CHORDC1: variants seen among roughly 807,000 people sequenced by gnomAD.
CHORDC1 encodes the protein cysteine and histidine-rich domain-containing protein 1.
Under a neutral mutation model 48.3 loss-of-function variants are expected in CHORDC1, and 25 were observed. The ratio of observed to expected loss-of-function variants is 0.52; its 90% confidence interval spans 0.38 to 0.72. The LOEUF is 0.72. Among genes scored for constraint, CHORDC1 ranks in the 30% least tolerant of loss-of-function variants. The probability of loss-of-function intolerance (pLI) is 0.00; values close to 1 mark genes in which losing one functional copy is unlikely to be tolerated. For missense variants in CHORDC1, 317 were observed against 388.7 expected, an observed-to-expected ratio of 0.82 and a Z score of 1.55; for synonymous variants, 128 against 126.4, an observed-to-expected ratio of 1.01 and a Z score of -0.09.
intron 3 of CHORDC1, among the ~76,000 whole-genome samples, chr11:90,214,494 A>G (rs560966139): frequency 6.6e-6 from 1 of 152,200 alleles, no homozygotes; most frequent in Admixed American, 6.5e-5. Flanking sequence ...ATACAGAAAA[A>G]TCTGTTACTC....
At chr11:90,213,243 T>C (rs563361325) in intron 4 of CHORDC1, 2 of 544,852 alleles carry the variant, frequency 3.7e-6, no homozygotes, top group African/African-American at 3.8e-5. Flanking sequence ...CAATACTCTA[T>C]AAATTTATTT....
At chr11:90,222,779 C>G (rs1237810631) in intron 1 of CHORDC1, 112 bp downstream of exon 1, 1 of 1,010,470 alleles carries the variant, frequency 9.9e-7, no homozygotes, top group Non-Finnish European at 1.5e-6. Flanking sequence ...GGGCATGGAC[C>G]TGGGGCCGCG....
At position 90,202,244 on chromosome 11, in the gene CHORDC1, A is replaced by C. The variant is rs528882702; in HGVS notation, c.*161T>G. ...AACACAAAAGAAAGATGAGAGGCAC[A>C]AAAAGACAAACTGACTTTGGCTTTT... On this transcript the variant is annotated 3_prime_UTR_variant, in exon 11 of 11. Transcript: ENST00000320585. 2 of 647,650 alleles carry C rather than the reference A, an allele frequency of 3.1e-6. No individual in the cohort carries two copies. The highest frequency in any genetic ancestry group is 2.7e-5 in the East Asian group (1 of 36,702). 40.1% of individuals were successfully genotyped at this position (647,650 alleles called of 1,614,324 possible). A position where few individuals can be genotyped will look rare whatever the true frequency, so the allele number is the denominator to read the frequency against.
rs775748220 is a variant in CHORDC1 at position 90,202,290 on chromosome 11, G to T, written c.*115C>A. On this transcript the variant is annotated 3_prime_UTR_variant, in exon 11 of 11. Transcript: ENST00000320585. ...CTTTTAAGAACCTAATGTTAACCCTGAAATGCCACATTCAGTAACACAACA... is the reference window on the plus strand; with the variant it reads ...CTTTTAAGAACCTAATGTTAACCCTTAAATGCCACATTCAGTAACACAACA... 6.0e-6 allele frequency: 6 copies of T among 1,001,488 alleles called. No individual in the cohort carries two copies. Among genetic ancestry groups the T allele is most frequent in the Non-Finnish European group, 9.0e-6 (6 of 668,764 alleles). The allele number at this position is 1,001,488 out of a possible 1,614,324, so 62.0% of individuals were successfully genotyped here. A position where few individuals can be genotyped will look rare whatever the true frequency, so the allele number is the denominator to read the frequency against.
chr11:90,219,557 C>T (rs1196093164), intron 1 of CHORDC1, among the ~76,000 whole-genome samples: 1 of 152,200 alleles, frequency 6.6e-6, no homozygotes, highest in Non-Finnish European at 1.5e-5. Context: ...CTGTCCCACC[C>T]AGGGCGGAAA....
chr11:90,204,650 G>A (rs1857624812), intron 8 of CHORDC1, among the ~76,000 whole-genome samples: 1 of 151,946 alleles, frequency 6.6e-6, no homozygotes, highest in South Asian at 2.1e-4. Flanking sequence ...GAACCCGGGA[G>A]GCGGAGGTTG....
At chr11:90,213,324 T>G (rs1332354509) in intron 4 of CHORDC1, 15 of 632,754 alleles carry the variant, frequency 2.4e-5, no homozygotes, top group Non-Finnish European at 3.4e-5. Context: ...AATAAGTGCC[T>G]ACTTGCAGCC....
chr11:90,202,683 C>A, intron 10 of CHORDC1, 130 bp downstream of exon 10: 2 of 1,391,248 alleles, frequency 1.4e-6, no homozygotes, highest in South Asian at 2.7e-5. Context: ...TAGTCTTAAA[C>A]TTTTTGGTAG....
chr11:90,211,543 C>A, intron 4 of CHORDC1: 1 of 381,952 alleles, frequency 2.6e-6, no homozygotes, highest in Non-Finnish European at 4.7e-6. Context: ...CAAATAATCA[C>A]GCTATTGTCA....
chr11:90,211,951 A>G (rs1857875228), intron 4 of CHORDC1: 1 of 152,238 alleles, frequency 6.6e-6, no homozygotes, highest in Admixed American at 6.5e-5. Context: ...ATCGTAGGCT[A>G]TTCATTCTAT....
intron 9 of CHORDC1, 54 bp from the exon 10 acceptor site, chr11:90,202,929 A>G: frequency 7.9e-6 from 12 of 1,509,570 alleles, no homozygotes; most frequent in Non-Finnish European, 9.8e-6. Flanking sequence ...GATTTATGCT[A>G]TCAAACACTG....
rs1857530511 is a variant in CHORDC1, at chr11:90,200,937, CT to C, written c.*1467del. On this transcript the variant is annotated 3_prime_UTR_variant, in exon 11 of 11. Coordinates refer to ENST00000320585, the MANE Select transcript of CHORDC1 (RefSeq NM_012124.3). ...TAAATACATCTCCAGGTATCAGATG[CT>C]TATGTACTCCATGTGGGTCCAACTT... Among the ~76,000 whole-genome samples, 1 of 151,942 alleles carries C rather than the reference CT, an allele frequency of 6.6e-6. No homozygotes were observed. Among genetic ancestry groups the C allele is most frequent in the Admixed American group, 6.6e-5 (1 of 15,246 alleles).
intron 6 of CHORDC1, chr11:90,206,841 A>T (rs1857705803): frequency 9.1e-7 from 1 of 1,102,632 alleles, no homozygotes; most frequent in Non-Finnish European, 1.2e-6. Flanking sequence ...AATTATGTTA[A>T]TAAAACATGG....
At chr11:90,218,011 C>T in intron 2 of CHORDC1, 124 bp downstream of exon 2, 1 of 599,086 alleles carries the variant, frequency 1.7e-6, no homozygotes, top group Middle Eastern at 2.7e-4. Flanking sequence ...TAAAGCACCT[C>T]CCCCGCAAAG....
At chr11:90,202,649 G>T in intron 10 of CHORDC1, 98 bp from the exon 11 acceptor site, 1 of 1,424,616 alleles carries the variant, frequency 7.0e-7, no homozygotes, top group Non-Finnish European at 9.5e-7. Context: ...CCAAATCCAA[G>T]CTTCTAAAGG....
At chr11:90,218,021 G>A (rs1858062283) in intron 2 of CHORDC1, 114 bp downstream of exon 2, 2 of 690,712 alleles carry the variant, frequency 2.9e-6, no homozygotes, top group African/African-American at 3.8e-5. Context: ...CCCCCGCAAA[G>A]GTCATTAAGA....
Position 90,210,670 on chromosome 11 carries a change from T to C in CHORDC1, c.434-76A>G. The C allele has an allele frequency of 6.5e-6, 6 of 917,764 alleles. No homozygotes were observed. The South Asian group carries it at 7.5e-5, about 11-fold the overall frequency. The allele number at this position is 917,764 out of a possible 1,614,324, so 56.9% of individuals were successfully genotyped here. On this transcript the variant is annotated intron_variant, in intron 5 of 10. Coordinates refer to ENST00000320585, the MANE Select transcript of CHORDC1 (RefSeq NM_012124.3). ...TGTGGCATCATTCTTAAAAACTAGG[T>C]TTTTCCAGAAAACAATACTTTTTAG...
chr11:90,215,529 AG>A (rs1392393354), intron 2 of CHORDC1, among the ~76,000 whole-genome samples: 2 of 152,016 alleles, frequency 1.3e-5, no homozygotes, highest in African/African-American at 4.8e-5. Flanking sequence ...TTTTTTTAGA[AG>A]AAAAACATGT....
At chr11:90,207,779 C>CAAAAAAAAAAAAAAAAA (rs1231587858) in intron 6 of CHORDC1, 2 of 91,304 alleles carry the variant, frequency 2.2e-5, no homozygotes, top group Non-Finnish European at 4.3e-5. Context: ...AAAAAAAAAA[C>CAAAAAAAAAAAAAAAAA]AAAAAAAACT....
Sources: gnomAD v4.1 joint callset for allele counts (sites outside exome capture counted in the v4.1 genomes callset) on GRCh38, gnomAD v4.1.1 for gene constraint, MANE v1.5 for transcripts, NCBI Gene and HGNC (gene_info 2026-07-23, HGNC 2026-07-21) for gene names.